The following PLCG2 variants were observed in gnomAD, a reference collection of about 807,000 sequenced individuals.
The protein encoded by PLCG2 is phospholipase C gamma 2, also known as 1-phosphatidylinositol 4,5-bisphosphate phosphodiesterase gamma-2.
In PLCG2, 69 loss-of-function variants were observed where a neutral mutation model predicts 175.6. That is an observed-to-expected ratio of 0.39 (90% CI 0.32 to 0.48). PLCG2 has a LOEUF of 0.48. Ranked by LOEUF, PLCG2 falls within the 20% of genes least tolerant of loss-of-function variation. The pLI is 0.91. For missense variants in PLCG2, 1,798 were observed against 1,650.9 expected (o/e 1.09, Z -1.54); for synonymous variants, 827 against 624.0 (o/e 1.33, Z -4.85).
chr16:81,921,069 A>T, intron 20 of PLCG2, 129 bp from the exon 21 acceptor site: 1 of 599,328 alleles, frequency 1.7e-6, no homozygotes, highest in Non-Finnish European at 2.9e-6. Context: ...GCCAAAAGAA[A>T]ATTCTATGAG....
At chr16:81,925,215 G>T (rs566395805) in intron 22 of PLCG2, among the ~76,000 whole-genome samples, 47 of 152,316 alleles carry the variant, frequency 3.1e-4, no homozygotes, top group African/African-American at 9.9e-4. Flanking sequence ...CAGCGGCTGT[G>T]GTCAATTCCT....
At chr16:81,856,197 G>T (rs1906673126) in intron 3 of PLCG2, among the ~76,000 whole-genome samples, 1 of 152,204 alleles carries the variant, frequency 6.6e-6, no homozygotes, top group Non-Finnish European at 1.5e-5. Flanking sequence ...CTCCGCATCT[G>T]TGTGGGAAGA....
At chr16:81,752,974 C>T (rs891452532) in intron 1 of PLCG2, among the ~76,000 whole-genome samples, 4 of 152,208 alleles carry the variant, frequency 2.6e-5, no homozygotes, top group African/African-American at 7.2e-5. Flanking sequence ...AGACCAACCA[C>T]GGTACTTCGA....
chr16:81,802,036 CCA>C (rs1911743436), intron 2 of PLCG2, among the ~76,000 whole-genome samples: 1 of 145,550 alleles, frequency 6.9e-6, no homozygotes, highest in East Asian at 2.0e-4. Flanking sequence ...GAGGTGCCCA[CCA>C]ACATTCTGTC....
chr16:81,869,727 T>C (rs1419533266), intron 6 of PLCG2, among the ~76,000 whole-genome samples: 2 of 152,224 alleles, frequency 1.3e-5, no homozygotes, highest in Non-Finnish European at 2.9e-5. Flanking sequence ...CAGAGTTGGC[T>C]CTTTTTTCTT....
intron 31 of PLCG2, among the ~76,000 whole-genome samples, chr16:81,951,613 C>G (rs1056901924): frequency 6.6e-6 from 1 of 152,188 alleles, no homozygotes; most frequent in Non-Finnish European, 1.5e-5. Context: ...AAAGATAGTA[C>G]TCCTAGCTTT....
upstream of PLCG2, among the ~76,000 whole-genome samples, chr16:81,778,016 C>CAAAA (rs753644088): frequency 0.022 from 1,082 of 48,866 alleles, 13 homozygotes; most frequent in Middle Eastern, 0.028. Flanking sequence ...GACTTTGTCT[C>CAAAA]AAAAAAAAAA....
chr16:81,832,745 A>G (rs1191111643), intron 2 of PLCG2, among the ~76,000 whole-genome samples: 2 of 152,250 alleles, frequency 1.3e-5, no homozygotes, highest in African/African-American at 2.4e-5. Flanking sequence ...GTGGTATGAT[A>G]TCCAGTTGAC....
At chr16:81,897,110 A>G (rs1265009941) in intron 13 of PLCG2, among the ~76,000 whole-genome samples, 2 of 152,242 alleles carry the variant, frequency 1.3e-5, no homozygotes, top group Non-Finnish European at 1.5e-5. Context: ...GCTGTGTTCC[A>G]GTTAAAACTT....
In PLCG2 at chr16:81,930,952, T is replaced by A. The variant is rs116871589; in HGVS notation, c.2582-545T>A. Among the ~76,000 whole-genome samples, 32 of 152,332 alleles carry A rather than the reference T, an allele frequency of 2.1e-4. No individual in the cohort carries two copies. The East Asian group carries it at 5.8e-3, about 28-fold the overall frequency. On this transcript the variant is annotated intron_variant, in intron 24 of 32. Transcript: ENST00000564138. ...ATGAACATGTATTGTTTTAGTAATTTGTAAAAAATATTTATGATGAGTGTA... is the reference window on the plus strand; with the variant it reads ...ATGAACATGTATTGTTTTAGTAATTAGTAAAAAATATTTATGATGAGTGTA...
intron 12 of PLCG2, among the ~76,000 whole-genome samples, chr16:81,894,097 G>C (rs959784596): frequency 6.6e-6 from 1 of 151,774 alleles, no homozygotes; most frequent in African/African-American, 2.4e-5. Context: ...CAGGTACCGC[G>C]TATCACCTGG....
In PLCG2 at chr16:81,889,202, C is replaced by G. The variant is rs530712899; in HGVS notation, c.796C>G (p.Arg266Gly). The change falls in exon 10 of 33, where the codon CGT becomes GGT. Residue 266 changes from arginine to glycine, a missense_variant. Coordinates refer to ENST00000564138, the MANE Select transcript of PLCG2 (RefSeq NM_002661.5). ...TTGGGCTCAGGATCTGAACAAAGTC[C>G]GTGAGCGGATGACAAAGTTCATTGA... ...EHWAQDLNKV[R>G]ERMTKFIDDT... The G allele has an allele frequency of 1.2e-6, 2 of 1,604,462 alleles. No individual in the cohort carries two copies. Among genetic ancestry groups the G allele is most frequent in the Non-Finnish European group, 8.5e-7 (1 of 1,175,274 alleles).
rs561163399 is a variant in PLCG2 at position 81,877,679 on chromosome 16, T to G, written c.649-3231T>G. Among the ~76,000 whole-genome samples, 4 of 152,284 alleles carry G rather than the reference T, an allele frequency of 2.6e-5. No homozygotes were observed. The South Asian group carries it at 8.3e-4, about 32-fold the overall frequency. On this transcript the variant is annotated intron_variant, in intron 7 of 32. Transcript: ENST00000564138. The stretch of plus-strand genomic sequence containing the variant: ...GTGGCTGCCAGCAGTCCTACAAGTG[T>G]TCCTCGGTGTGTAGATGGCATTGCT...
intron 11 of PLCG2, among the ~76,000 whole-genome samples, chr16:81,892,223 G>A (rs553609504): frequency 3.9e-5 from 6 of 152,226 alleles, no homozygotes; most frequent in Admixed American, 6.5e-5. Context: ...AGGAAGGCAG[G>A]TCCTGCTGGA....
chr16:81,805,762 G>GT (rs1567473489), intron 2 of PLCG2, among the ~76,000 whole-genome samples: 7 of 38,888 alleles, frequency 1.8e-4, no homozygotes, highest in African/African-American at 8.1e-4. Context: ...GTAGTGTTTT[G>GT]TTTTGTTTTT....
intron 4 of PLCG2, 84 bp downstream of exon 4, chr16:81,858,440 A>C (rs879362064): frequency 1.2e-3 from 349 of 283,814 alleles, no homozygotes; most frequent in Non-Finnish European, 1.9e-3. Flanking sequence ...ACAGGGGGGA[A>C]AAAAAAAAAA....
In PLCG2 at chr16:81,959,281, C is replaced by A. The variant is rs1330246831; in HGVS notation, c.*1283C>A. 4.5e-6 allele frequency: 1 copy of A among 223,684 alleles called. No individual in the cohort carries two copies. The highest frequency in any genetic ancestry group is 2.2e-5 in the African/African-American group (1 of 44,760). 13.9% of individuals were successfully genotyped at this position (223,684 alleles called of 1,614,324 possible). On this transcript the variant is annotated 3_prime_UTR_variant, in exon 33 of 33. Transcript: ENST00000564138. ...ATGGAACTGGCCCCTAGAAACCCATCTGACCCTCCTCTTGTTACCCGAAAT... is the reference window on the plus strand; with the variant it reads ...ATGGAACTGGCCCCTAGAAACCCATATGACCCTCCTCTTGTTACCCGAAAT...
chr16:81,950,944 A>G (rs962863396), intron 31 of PLCG2, among the ~76,000 whole-genome samples: 25 of 152,354 alleles, frequency 1.6e-4, no homozygotes, highest in Non-Finnish European at 3.4e-4. Context: ...AAACACAAAT[A>G]AAAATAAAAG....
rs190505884 is a variant in PLCG2, at chr16:81,933,956, C to G, written c.2740-473C>G. Among the ~76,000 whole-genome samples, 837 of 152,316 alleles carry G rather than the reference C, an allele frequency of 5.5e-3. 9 individuals carry two copies. The highest frequency in any genetic ancestry group is 0.019 in the African/African-American group (801 of 41,560). ...GGGTAGTGGTCCCCTTGGACAGAGCCCTGATGGGCAGTCAGAGCTGGGGAG... is the reference window on the plus strand; with the variant it reads ...GGGTAGTGGTCCCCTTGGACAGAGCGCTGATGGGCAGTCAGAGCTGGGGAG... On this transcript the variant is annotated intron_variant, in intron 25 of 32. Coordinates refer to ENST00000564138, the MANE Select transcript of PLCG2 (RefSeq NM_002661.5).
Sources: gnomAD v4.1 joint callset for allele counts (sites outside exome capture counted in the v4.1 genomes callset) on GRCh38, gnomAD v4.1.1 for gene constraint, MANE v1.5 for transcripts, NCBI Gene and HGNC (gene_info 2026-07-23, HGNC 2026-07-21) for gene names.